The following SLC17A8 variants were observed in gnomAD, a reference collection of about 807,000 sequenced individuals.
SLC17A8 encodes solute carrier family 17 member 8.
In SLC17A8, 31 loss-of-function variants were observed where a neutral mutation model predicts 58.0. The observed-to-expected ratio is 0.53, with a 90% confidence interval of 0.40 to 0.72. The LOEUF (loss-of-function observed/expected upper bound fraction) is 0.72. Ranked by LOEUF, SLC17A8 falls within the 30% of genes least tolerant of loss-of-function variation. The pLI is 0.00. For missense variants in SLC17A8, 655 were observed against 727.8 expected (o/e 0.90, Z 1.15); for synonymous variants, 228 against 249.0 (o/e 0.92, Z 0.79).
intron 9 of SLC17A8, among the ~76,000 whole-genome samples, chr12:100,409,377 G>C (rs1186318835): frequency 6.6e-6 from 1 of 151,928 alleles, no homozygotes; most frequent in East Asian, 1.9e-4. Context: ...GTAGAGAAGG[G>C]GTTTTGCCAT....
At chr12:100,360,134 A>G (rs897791579) in intron 1 of SLC17A8, among the ~76,000 whole-genome samples, 1 of 152,240 alleles carries the variant, frequency 6.6e-6, no homozygotes, top group Non-Finnish European at 1.5e-5. Flanking sequence ...ACAGTCATTG[A>G]TAAGAAGCAG....
chr12:100,390,845 C>T (rs1320284507), intron 2 of SLC17A8, among the ~76,000 whole-genome samples, 156 bp from the exon 3 acceptor site: 4 of 152,084 alleles, frequency 2.6e-5, no homozygotes, highest in African/African-American at 9.7e-5. Flanking sequence ...TTGCTTGCTG[C>T]TATCCCCAAG....
intron 1 of SLC17A8, among the ~76,000 whole-genome samples, chr12:100,362,812 C>A (rs1952493232): frequency 6.6e-6 from 1 of 152,164 alleles, no homozygotes; most frequent in Admixed American, 6.5e-5. Context: ...CTCCTCTCCA[C>A]CCCTTTTTGA....
At position 100,410,870 on chromosome 12, in the gene SLC17A8, T is replaced by C. The variant is rs80202098; in HGVS notation, c.1187-1900T>C. On this transcript the variant is annotated intron_variant, in intron 9 of 11. Coordinates refer to ENST00000323346, the MANE Select transcript of SLC17A8 (RefSeq NM_139319.3). ...TTCTGCATCGGACTTCTGGCTATCA[T>C]TTGTTGAGCTGTGCCCATGTGCCAC... Among the ~76,000 whole-genome samples the C allele has an allele frequency of 5.7e-3, 868 of 152,236 alleles. 7 individuals carry two copies. Among genetic ancestry groups the C allele is most frequent in the African/African-American group, 0.021 (852 of 41,526 alleles).
intron 10 of SLC17A8, 124 bp from the exon 11 acceptor site, chr12:100,417,905 G>T: frequency 8.2e-7 from 1 of 1,212,914 alleles, no homozygotes; most frequent in African/African-American, 1.5e-5. Context: ...TCTTGGTCTG[G>T]AAACTAGTCA....
chr12:100,415,843 G>A (rs547541012), intron 10 of SLC17A8, among the ~76,000 whole-genome samples: 29 of 152,264 alleles, frequency 1.9e-4, no homozygotes, highest in African/African-American at 5.1e-4. Context: ...TTAACTTGCC[G>A]AGTGAAGTGG....
At chr12:100,361,975 C>T (rs997698726) in intron 1 of SLC17A8, among the ~76,000 whole-genome samples, 2 of 150,200 alleles carry the variant, frequency 1.3e-5, no homozygotes, top group Non-Finnish European at 3.0e-5. Flanking sequence ...AAAAACAAAA[C>T]AAAAAAAAAC....
chr12:100,410,311 C>T (rs1316845772), intron 9 of SLC17A8, among the ~76,000 whole-genome samples: 7 of 151,894 alleles, frequency 4.6e-5, no homozygotes, highest in East Asian at 1.9e-4. Context: ...CTGGCTAACA[C>T]GGTGAAACCC....
At chr12:100,390,721 C>A (rs895226199) in intron 2 of SLC17A8, among the ~76,000 whole-genome samples, 37 of 152,014 alleles carry the variant, frequency 2.4e-4, no homozygotes, top group African/African-American at 8.5e-4. Flanking sequence ...TGGCTCACTG[C>A]AGCCTTGACC....
intron 9 of SLC17A8, among the ~76,000 whole-genome samples, chr12:100,407,591 T>TG (rs1200645063): frequency 5.2e-5 from 7 of 133,938 alleles, no homozygotes; most frequent in East Asian, 2.0e-4. Context: ...TATATATTTT[T>TG]TTTGTTTGTT....
Position 100,412,861 on chromosome 12 carries a change from T to C in SLC17A8, c.1278T>C (p.Phe426=), listed in dbSNP as rs1952880269. Residue 426 remains phenylalanine, a synonymous_variant, in exon 10 of 12, where the codon TTT becomes TTC. Coordinates refer to ENST00000323346, the MANE Select transcript of SLC17A8 (RefSeq NM_139319.3). ...CCTTTCTGGTACTTGCTGTAGGATTTAGTGGCTTCGCTATTTCAGGTAATG... is the reference window on the plus strand; with the variant it reads ...CCTTTCTGGTACTTGCTGTAGGATTCAGTGGCTTCGCTATTTCAGGTAATG... ...AISFLVLAVG[F]SGFAISGFNV... 6.2e-7 allele frequency: 1 copy of C among 1,613,956 alleles called. No homozygotes were observed. The highest frequency in any genetic ancestry group is 8.5e-7 in the Non-Finnish European group (1 of 1,179,836).
At chr12:100,367,173 TA>T (rs1286990421) in intron 1 of SLC17A8, among the ~76,000 whole-genome samples, 2 of 152,234 alleles carry the variant, frequency 1.3e-5, no homozygotes, top group African/African-American at 4.8e-5. Flanking sequence ...GATCTTTCTT[TA>T]TAATCTGCTG....
chr12:100,402,524 G>A, intron 7 of SLC17A8, 45 bp downstream of exon 7: 2 of 1,612,818 alleles, frequency 1.2e-6, no homozygotes, highest in East Asian at 4.5e-5. Flanking sequence ...TTTCATAAGT[G>A]ATTGTGTTGC....
intron 9 of SLC17A8, among the ~76,000 whole-genome samples, chr12:100,412,165 T>C (rs551820356): frequency 2.0e-5 from 3 of 152,276 alleles, no homozygotes; most frequent in East Asian, 1.9e-4. Flanking sequence ...AGGAGCATCA[T>C]TGGAACCTAT....
chr12:100,408,060 G>C (rs1952839397), intron 9 of SLC17A8, among the ~76,000 whole-genome samples: 1 of 152,196 alleles, frequency 6.6e-6, no homozygotes, highest in South Asian at 2.1e-4. Context: ...CATCAGTGAA[G>C]AATGCAGGTT....
intron 1 of SLC17A8, among the ~76,000 whole-genome samples, chr12:100,378,237 A>C (rs79414343): frequency 0.019 from 2,897 of 152,310 alleles, 71 homozygotes; most frequent in African/African-American, 0.057. Flanking sequence ...GAGGATGACC[A>C]AGTGTTTTCC....
intron 2 of SLC17A8, among the ~76,000 whole-genome samples, chr12:100,381,890 G>C (rs1057497065): frequency 2.6e-5 from 4 of 152,150 alleles, no homozygotes; most frequent in Non-Finnish European, 4.4e-5. Flanking sequence ...GTATGCCATT[G>C]TTGGAAATAG....
intron 1 of SLC17A8, among the ~76,000 whole-genome samples, chr12:100,362,796 T>C (rs1952493122): frequency 1.3e-5 from 2 of 152,192 alleles, no homozygotes; most frequent in East Asian, 3.9e-4. Flanking sequence ...CTGTGATGAC[T>C]GGTCCCTCCT....
intron 2 of SLC17A8, among the ~76,000 whole-genome samples, chr12:100,385,478 T>C (rs529535600): frequency 2.8e-4 from 42 of 152,206 alleles, no homozygotes; most frequent in Middle Eastern, 3.4e-3. Flanking sequence ...CTTCAGGTGA[T>C]CTGTCCACCC....
Sources: allele counts gnomAD v4.1 joint callset (sites outside exome capture counted in the v4.1 genomes callset), GRCh38; gene constraint gnomAD v4.1.1; transcripts MANE v1.5; gene names NCBI Gene and HGNC (gene_info 2026-07-23, HGNC 2026-07-21).